Variants in FHIT observed in about 807,000 individuals in gnomAD.
FHIT encodes the protein fragile histidine triad diadenosine triphosphatase, also known as bis(5'-adenosyl)-triphosphatase.
A neutral mutation model predicts 17.9 loss-of-function variants in FHIT; 19 were observed. The observed-to-expected ratio is 1.06, with a 90% CI of 0.74 to 1.56. FHIT has a LOEUF of 1.56. Ranked by LOEUF, FHIT falls within the 40% of genes most tolerant of loss-of-function variation. FHIT has a pLI of 0.00. For missense variants in FHIT, 248 were observed against 189.2 expected (o/e 1.31, Z -1.82); for synonymous variants, 81 against 69.7 (o/e 1.16, Z -0.81).
chr3:60,124,938 C>T (rs1031537546), intron 5 of FHIT, among the ~76,000 whole-genome samples: 1 of 152,140 alleles, frequency 6.6e-6, no homozygotes, highest in African/African-American at 2.4e-5. Context: ...GGTCAAAACC[C>T]ACATATTAGA....
At chr3:60,253,003 AAATAAATG>A (rs886448682) in intron 5 of FHIT, among the ~76,000 whole-genome samples, 10 of 152,240 alleles carry the variant, frequency 6.6e-5, no homozygotes, top group Admixed American at 5.9e-4. Context: ...ATCTCAAAAT[AAATAAATG>A]AATAAATAAT....
intron 3 of FHIT, among the ~76,000 whole-genome samples, chr3:61,005,196 G>C (rs1460145000): frequency 6.6e-6 from 1 of 152,176 alleles, no homozygotes; most frequent in Admixed American, 6.5e-5. Context: ...TTATAATTAG[G>C]ATCTCAGATC....
intron 5 of FHIT, among the ~76,000 whole-genome samples, chr3:60,042,571 G>T (rs569587257): frequency 1.3e-5 from 2 of 152,040 alleles, no homozygotes; most frequent in African/African-American, 4.8e-5. Context: ...CTCTTTGCTT[G>T]TCTGTTGCTA....
intron 3 of FHIT, among the ~76,000 whole-genome samples, chr3:60,911,931 T>C (rs1183206670): frequency 6.6e-6 from 1 of 152,152 alleles, no homozygotes; most frequent in Middle Eastern, 3.2e-3. Context: ...ACTTTTCTCA[T>C]ATCAGCACTT....
chr3:60,216,803 C>T (rs942547321), intron 5 of FHIT, among the ~76,000 whole-genome samples: 2 of 152,112 alleles, frequency 1.3e-5, no homozygotes, highest in Non-Finnish European at 2.9e-5. Flanking sequence ...CCCTTTCCTG[C>T]TACCAACTGT....
chr3:59,819,969 A>G (rs991588316), intron 8 of FHIT, among the ~76,000 whole-genome samples: 1 of 152,210 alleles, frequency 6.6e-6, no homozygotes, highest in Non-Finnish European at 1.5e-5. Flanking sequence ...CTGTGAGGAC[A>G]CAACAAGAAG....
rs1419384594 is a variant in FHIT, at chr3:59,772,458, C to T, written c.349-20137G>A. 2.0e-5 allele frequency among the ~76,000 whole-genome samples: 3 copies of T among 152,210 alleles called. No homozygotes were observed. The East Asian group carries it at 5.8e-4, about 29-fold the overall frequency. On this transcript the variant is annotated intron_variant, in intron 8 of 9. Transcript: ENST00000492590. ...CTGTTTTAAACACTTTACATTTATTCATTAATCTTCATGACCATCTTATCA... is the reference window on the plus strand; with the variant it reads ...CTGTTTTAAACACTTTACATTTATTTATTAATCTTCATGACCATCTTATCA...
chr3:60,324,455 G>T (rs1355681088), intron 5 of FHIT, among the ~76,000 whole-genome samples: 2 of 151,836 alleles, frequency 1.3e-5, no homozygotes, highest in African/African-American at 2.4e-5. Flanking sequence ...CGTGGTGGCG[G>T]GTGCCTATAG....
chr3:60,075,365 T>C (rs1254864526), intron 5 of FHIT, among the ~76,000 whole-genome samples: 1 of 152,064 alleles, frequency 6.6e-6, no homozygotes, highest in Non-Finnish European at 1.5e-5. Flanking sequence ...GGAAGAGCAC[T>C]AGACCAAGAG....
chr3:59,935,847 T>C (rs141173983), intron 7 of FHIT, among the ~76,000 whole-genome samples: 1 of 152,300 alleles, frequency 6.6e-6, no homozygotes, highest in Non-Finnish European at 1.5e-5. Context: ...AAGAAATATA[T>C]GCACTGATTT....
chr3:60,377,649 T>C (rs1212551870), intron 5 of FHIT, among the ~76,000 whole-genome samples: 1 of 138,910 alleles, frequency 7.2e-6, no homozygotes, highest in Admixed American at 7.1e-5. Context: ...GCCCGGCTAA[T>C]TTTTTGTATT....
chr3:60,700,344 C>G (rs1345120342), intron 4 of FHIT, among the ~76,000 whole-genome samples: 1 of 152,134 alleles, frequency 6.6e-6, no homozygotes, highest in Non-Finnish European at 1.5e-5. Flanking sequence ...TCTTTGCTTT[C>G]TAATTCCAAC....
At chr3:60,521,258 TA>T (rs59527210) in intron 5 of FHIT, among the ~76,000 whole-genome samples, 102,206 of 151,484 alleles carry the variant, frequency 0.67, 34,772 homozygotes, top group Admixed American at 0.75. Context: ...GTATTATTAT[TA>T]TTTTTTGAGG....
chr3:60,763,724 T>G (rs1255879942), intron 4 of FHIT, among the ~76,000 whole-genome samples: 1 of 152,216 alleles, frequency 6.6e-6, no homozygotes, highest in Non-Finnish European at 1.5e-5. Context: ...AAATGGGGTA[T>G]GCACATTGCT....
At chr3:60,430,796 C>A (rs1050550439) in intron 5 of FHIT, among the ~76,000 whole-genome samples, 2 of 152,046 alleles carry the variant, frequency 1.3e-5, no homozygotes, top group South Asian at 4.1e-4. Context: ...AATTAAAGAT[C>A]TCTTTCTATT....
intron 5 of FHIT, among the ~76,000 whole-genome samples, chr3:60,425,465 T>A (rs2107277072): frequency 6.6e-6 from 1 of 152,268 alleles, no homozygotes; most frequent in Non-Finnish European, 1.5e-5. Context: ...TGAAGTAATC[T>A]GTACACTAAA....
intron 3 of FHIT, among the ~76,000 whole-genome samples, chr3:60,868,637 A>G (rs17064090): frequency 0.022 from 3,312 of 152,234 alleles, 129 homozygotes; most frequent in African/African-American, 0.076. Context: ...TTTGTAACAT[A>G]TTTCTGAATG....
intron 7 of FHIT, among the ~76,000 whole-genome samples, chr3:59,984,344 A>T (rs1575817222): frequency 6.6e-6 from 1 of 151,966 alleles, no homozygotes; most frequent in East Asian, 2.0e-4. Flanking sequence ...CTACTACAAG[A>T]AACATTTATA....
chr3:60,180,011 T>A (rs1249151522), intron 5 of FHIT, among the ~76,000 whole-genome samples: 5 of 152,166 alleles, frequency 3.3e-5, no homozygotes, highest in Admixed American at 3.3e-4. Flanking sequence ...CTATATGTAA[T>A]ATATTTATGT....
Sources: allele counts gnomAD v4.1 joint callset (sites outside exome capture counted in the v4.1 genomes callset), GRCh38; gene constraint gnomAD v4.1.1; transcripts MANE v1.5; gene names NCBI Gene and HGNC (gene_info 2026-07-23, HGNC 2026-07-21).